NAALADL2: variants seen among roughly 807,000 people sequenced by gnomAD.
NAALADL2 encodes the protein inactive N-acetylated-alpha-linked acidic dipeptidase-like protein 2.
A neutral mutation model predicts 87.2 loss-of-function variants in NAALADL2; 76 were observed. The ratio of observed to expected loss-of-function variants is 0.87; its 90% confidence interval spans 0.72 to 1.05. NAALADL2 has a LOEUF of 1.05. NAALADL2 is among the 50% of genes least tolerant of loss of function. The pLI is 0.00. For missense variants in NAALADL2, 1,089 were observed against 945.8 expected (o/e 1.15, Z -1.99); for synonymous variants, 354 against 331.0 (o/e 1.07, Z -0.75).
intron 9 of NAALADL2, among the ~76,000 whole-genome samples, chr3:175,536,430 T>C (rs1427898882): frequency 6.6e-6 from 1 of 152,174 alleles, no homozygotes; most frequent in East Asian, 1.9e-4. Context: ...ATGGTTGTGA[T>C]TGAATTGGAT....
chr3:175,013,103 C>CAT (rs1750168651), intron 1 of NAALADL2, among the ~76,000 whole-genome samples: 1 of 17,700 alleles, frequency 5.6e-5, no homozygotes, highest in Non-Finnish European at 1.2e-4. Context: ...TATAAATATA[C>CAT]ATATTTATAT....
At chr3:174,926,485 C>A (rs1736057655) in intron 1 of NAALADL2, among the ~76,000 whole-genome samples, 1 of 152,068 alleles carries the variant, frequency 6.6e-6, no homozygotes, top group African/African-American at 2.4e-5. Flanking sequence ...AAGAGAAGCC[C>A]ATCAGACTAA....
chr3:174,973,764 A>G (rs1474823490), intron 1 of NAALADL2, among the ~76,000 whole-genome samples: 1 of 152,196 alleles, frequency 6.6e-6, no homozygotes, highest in Non-Finnish European at 1.5e-5. Flanking sequence ...AATACTGTAG[A>G]CAATTTTAAT....
intron 2 of NAALADL2, among the ~76,000 whole-genome samples, chr3:174,653,709 T>A (rs993787481): frequency 7.9e-5 from 12 of 152,084 alleles, no homozygotes; most frequent in African/African-American, 2.9e-4. Context: ...TTTAGGGAAA[T>A]GTTCAACAAA....
chr3:175,089,462 C>A (rs577625062), intron 1 of NAALADL2, among the ~76,000 whole-genome samples: 1 of 152,206 alleles, frequency 6.6e-6, no homozygotes, highest in South Asian at 2.1e-4. Context: ...AATTGCTGAG[C>A]CTCAGATAAC....
chr3:175,069,069 C>T (rs1025534209), intron 1 of NAALADL2, among the ~76,000 whole-genome samples: 2 of 151,904 alleles, frequency 1.3e-5, no homozygotes, highest in South Asian at 2.1e-4. Context: ...TAGAAGAAAA[C>T]CTAGGCATTA....
At chr3:175,526,620 T>C (rs2149433816) in intron 9 of NAALADL2, among the ~76,000 whole-genome samples, 1 of 152,218 alleles carries the variant, frequency 6.6e-6, no homozygotes, top group South Asian at 2.1e-4. Flanking sequence ...AATGGGAGGT[T>C]TGTTAAGAAA....
At chr3:174,804,511 G>A (rs573868695) in intron 3 of NAALADL2, among the ~76,000 whole-genome samples, 20 of 152,272 alleles carry the variant, frequency 1.3e-4, no homozygotes, top group African/African-American at 4.1e-4. Flanking sequence ...ATGTTGAATA[G>A]GAGTGGTGAG....
chr3:175,135,397 T>C, intron 2 of NAALADL2, among the ~76,000 whole-genome samples: 1 of 149,840 alleles, frequency 6.7e-6, no homozygotes, highest in East Asian at 2.0e-4. Context: ...TTAATATCCC[T>C]AGGCTTCTTT....
chr3:174,794,944 G>T (rs961982131), intron 3 of NAALADL2, among the ~76,000 whole-genome samples: 2 of 146,978 alleles, frequency 1.4e-5, no homozygotes, highest in African/African-American at 5.0e-5. Context: ...GACACTAAAG[G>T]GTGTGTTTAA....
chr3:175,299,421 G>A (rs1756764790), intron 4 of NAALADL2, among the ~76,000 whole-genome samples: 1 of 149,540 alleles, frequency 6.7e-6, no homozygotes, highest in Non-Finnish European at 1.5e-5. Flanking sequence ...TCTTATCCAT[G>A]AGCATGGAAT....
intron 2 of NAALADL2, among the ~76,000 whole-genome samples, chr3:174,628,462 G>A (rs35985145): frequency 0.37 from 49,580 of 132,946 alleles, 10,064 homozygotes; most frequent in Middle Eastern, 0.5. Flanking sequence ...AGGTGACAGT[G>A]CGAGACTGTC....
intron 11 of NAALADL2, among the ~76,000 whole-genome samples, chr3:175,694,075 AT>A (rs1185212227): frequency 1.3e-5 from 2 of 152,084 alleles, no homozygotes; most frequent in Non-Finnish European, 2.9e-5. Flanking sequence ...ATGCCTATGT[AT>A]TTCTTCATAG....
At chr3:174,527,733 T>C (rs1720891727) in intron 1 of NAALADL2, among the ~76,000 whole-genome samples, 2 of 152,118 alleles carry the variant, frequency 1.3e-5, no homozygotes, top group Admixed American at 1.3e-4. Flanking sequence ...TAAAACAATA[T>C]ATTAATAAAA....
chr3:175,202,494 A>C (rs770725790), intron 2 of NAALADL2, among the ~76,000 whole-genome samples: 2 of 152,170 alleles, frequency 1.3e-5, no homozygotes, highest in Non-Finnish European at 2.9e-5. Flanking sequence ...ACAACATGCC[A>C]ATAACTTTCC....
chr3:175,702,426 A>G lies in NAALADL2; in HGVS notation c.1897-34880A>G, dbSNP rs538523629. On this transcript the variant is annotated intron_variant, in intron 11 of 13. Transcript: ENST00000454872. ...CAAGTCATTTAATCAAAACATCTTA[A>G]AAGAGAATTTACTGTGGGAGACTTA... Among the ~76,000 whole-genome samples, 14 of 152,298 alleles carry G rather than the reference A, an allele frequency of 9.2e-5. No homozygotes were observed. In the East Asian group the frequency reaches 2.3e-3, roughly 25 times the overall value.
chr3:175,228,757 T>C (rs117316993), intron 2 of NAALADL2, among the ~76,000 whole-genome samples: 1 of 152,034 alleles, frequency 6.6e-6, no homozygotes, highest in East Asian at 1.9e-4. Context: ...CAACCTCTTC[T>C]AGAGAGTAGA....
intron 3 of NAALADL2, among the ~76,000 whole-genome samples, chr3:174,799,476 G>A (rs911733499): frequency 1.3e-5 from 2 of 152,076 alleles, no homozygotes; most frequent in African/African-American, 4.8e-5. Flanking sequence ...CAAGCTCTCT[G>A]TTTGCCTGCT....
Position 175,806,736 on chromosome 3 carries a change from C to A in NAALADL2, c.*3533C>A, listed in dbSNP as rs1576886306. On this transcript the variant is annotated 3_prime_UTR_variant, in exon 14 of 14. Transcript: ENST00000454872. ...TTTTAATTCCCACAACAACCCATTTCAAAATGAGAAAACTAGGTTGAGTGA... is the reference window on the plus strand; with the variant it reads ...TTTTAATTCCCACAACAACCCATTTAAAAATGAGAAAACTAGGTTGAGTGA... The A allele has an allele frequency of 8.4e-6, 1 of 119,382 alleles. No individual in the cohort carries two copies. The highest frequency in any genetic ancestry group is 3.1e-5 in the African/African-American group (1 of 32,682). 7.4% of individuals were successfully genotyped at this position (119,382 alleles called of 1,614,324 possible).
Sources: gnomAD v4.1 joint callset for allele counts (sites outside exome capture counted in the v4.1 genomes callset) on GRCh38, gnomAD v4.1.1 for gene constraint, MANE v1.5 for transcripts, NCBI Gene and HGNC (gene_info 2026-07-23, HGNC 2026-07-21) for gene names.